Variants in CA8 observed in about 807,000 individuals in gnomAD.
The protein encoded by CA8 is carbonic anhydrase 8 (inactive), also known as carbonic anhydrase-related protein.
Under a neutral mutation model 41.4 loss-of-function variants are expected in CA8, and 22 were observed. The ratio of observed to expected loss-of-function variants is 0.53; its 90% confidence interval spans 0.38 to 0.76. The LOEUF is 0.76. Among genes scored for constraint, CA8 ranks in the 30% least tolerant of loss-of-function variants. The pLI, the probability that CA8 is intolerant of heterozygous loss-of-function variation, is 0.00. For synonymous variants in CA8, 121 were observed against 130.6 expected, an observed-to-expected ratio of 0.93 and a Z score of 0.50; for missense variants, 270 against 352.8, an observed-to-expected ratio of 0.77 and a Z score of 1.88.
Position 60,190,938 on chromosome 8 carries a change from C to CTATATATATATATATATA in CA8, c.*36-971_*36-954dup, listed in dbSNP as rs35486936. ...GTGGACACACCTGCACACACACACACTATATATATATATATATATACACAC... is the reference window on the plus strand; with the variant it reads ...GTGGACACACCTGCACACACACACACTATATATATATATATATATATATATATATATATATATACACAC... On this transcript the variant is annotated intron_variant, in intron 8 of 8. Coordinates refer to ENST00000317995, the MANE Select transcript of CA8 (RefSeq NM_004056.6). 1.0e-4 allele frequency among the ~76,000 whole-genome samples: 12 copies of CTATATATATATATATATA among 117,362 alleles called. 1 individual carries two copies. The highest frequency in any genetic ancestry group is 2.0e-4 in the African/African-American group (6 of 29,278). 77.0% of individuals were successfully genotyped at this position (117,362 alleles called of 152,430 possible).
At chr8:60,214,521 T>C (rs1445072670) in intron 7 of CA8, among the ~76,000 whole-genome samples, 2 of 152,210 alleles carry the variant, frequency 1.3e-5, no homozygotes, top group African/African-American at 4.8e-5. Context: ...TTTGAAGTGA[T>C]TGTCAAACAT....
intron 3 of CA8, among the ~76,000 whole-genome samples, chr8:60,238,817 C>T (rs1807921732): frequency 6.6e-6 from 1 of 152,152 alleles, no homozygotes; most frequent in African/African-American, 2.4e-5. Flanking sequence ...CAACAGCCTC[C>T]CCATTCTGCT....
chr8:60,237,273 C>T lies in CA8; in HGVS notation c.418-4894G>A, dbSNP rs183864190. On this transcript the variant is annotated intron_variant, in intron 3 of 8. Coordinates refer to ENST00000317995, the MANE Select transcript of CA8 (RefSeq NM_004056.6). ...GTATCTTAAAAGCTTGGATTATTCACGCTTTTCTCTGTCTTCCCATAGTAC... is the reference window on the plus strand; with the variant it reads ...GTATCTTAAAAGCTTGGATTATTCATGCTTTTCTCTGTCTTCCCATAGTAC... Among the ~76,000 whole-genome samples, 9 of 152,326 alleles carry T rather than the reference C, an allele frequency of 5.9e-5. No individual in the cohort carries two copies. The East Asian group carries it at 9.6e-4, about 16-fold the overall frequency.
chr8:60,219,394 G>A (rs1278251487), intron 7 of CA8, among the ~76,000 whole-genome samples: 1 of 152,144 alleles, frequency 6.6e-6, no homozygotes, highest in African/African-American at 2.4e-5. Flanking sequence ...CTGACCTCGT[G>A]ATCTGCCCGC....
Position 60,227,008 on chromosome 8 carries a change from A to G in CA8, c.514-73T>C. 6.6e-6 allele frequency: 7 copies of G among 1,060,876 alleles called. No homozygotes were observed. The South Asian group carries it at 8.9e-5, about 13-fold the overall frequency. 65.7% of individuals were successfully genotyped at this position (1,060,876 alleles called of 1,614,324 possible). On this transcript the variant is annotated intron_variant, in intron 4 of 8. Coordinates refer to ENST00000317995, the MANE Select transcript of CA8 (RefSeq NM_004056.6). Reference sequence around the variant, plus strand: ...TAGCTTTAACTAAAAAAAAACTAATAGGGCTGAGTGTGGTGGCTCATGCCT... The same window carrying G: ...TAGCTTTAACTAAAAAAAAACTAATGGGGCTGAGTGTGGTGGCTCATGCCT...
At chr8:60,246,738 A>G (rs578054417) in intron 3 of CA8, among the ~76,000 whole-genome samples, 8 of 152,184 alleles carry the variant, frequency 5.3e-5, no homozygotes, top group Non-Finnish European at 1.0e-4. Context: ...TTACTATGTA[A>G]AGTTATTACA....
intron 5 of CA8, among the ~76,000 whole-genome samples, chr8:60,224,839 G>A (rs1807371593): frequency 6.6e-6 from 1 of 151,996 alleles, no homozygotes; most frequent in South Asian, 2.1e-4. Context: ...ACCTACACTT[G>A]GTGCCCCATC....
Position 60,222,671 on chromosome 8 carries a change from G to A in CA8, c.716C>T (p.Pro239Leu), listed in dbSNP as rs774821810. The change falls in exon 7 of 9, where the codon CCT (proline) becomes CTT (leucine). Residue 239 changes from proline to leucine, a missense_variant. This residue lies in a region of CA8 where 141 missense variants were observed against 191.6 expected (regional missense o/e 0.74). Coordinates refer to ENST00000317995, the MANE Select transcript of CA8 (RefSeq NM_004056.6). ...EGVTWILFRY[P>L]LTISQLQIEE... ...CACCTGTAGCTGGGATATAGTTAAA[G>A]GGTATCGGAATAATATCCAGGTGAC... The A allele has an allele frequency of 1.2e-6, 2 of 1,606,832 alleles. No individual in the cohort carries two copies. The highest frequency in any genetic ancestry group is 2.7e-5 in the African/African-American group (2 of 74,806).
intron 8 of CA8, among the ~76,000 whole-genome samples, chr8:60,201,848 G>A (rs575833226): frequency 6.0e-4 from 92 of 152,152 alleles, no homozygotes; most frequent in Middle Eastern, 3.4e-3. Context: ...TTTAAATTTC[G>A]TGTTGTACTT....
chr8:60,279,590 T>C (rs1804343151), intron 2 of CA8, 99 bp downstream of exon 2: 2 of 1,016,930 alleles, frequency 2.0e-6, no homozygotes, highest in Admixed American at 1.8e-5. Context: ...TAGAGATACG[T>C]CAGTTGTACT....
At chr8:60,261,548 T>C (rs192098681) in intron 3 of CA8, among the ~76,000 whole-genome samples, 10 of 152,308 alleles carry the variant, frequency 6.6e-5, no homozygotes, top group Admixed American at 2.0e-4. Flanking sequence ...TCTGTAGTGA[T>C]GCAAGAAAAA....
chr8:60,278,306 T>C (rs147199469), intron 2 of CA8, among the ~76,000 whole-genome samples: 32 of 152,352 alleles, frequency 2.1e-4, no homozygotes, highest in African/African-American at 7.2e-4. Context: ...TTTAAAGAAC[T>C]GGCTTTTCAC....
At chr8:60,259,965 G>A (rs576297982) in intron 3 of CA8, among the ~76,000 whole-genome samples, 1 of 152,280 alleles carries the variant, frequency 6.6e-6, no homozygotes, top group African/African-American at 2.4e-5. Context: ...TTCCAGAAGA[G>A]CTGAACATTC....
intron 7 of CA8, among the ~76,000 whole-genome samples, chr8:60,220,759 G>C (rs1485457771): frequency 1.3e-5 from 2 of 152,104 alleles, no homozygotes; most frequent in Non-Finnish European, 2.9e-5. Context: ...AATGAAGCTA[G>C]AATGCACTTC....
rs1296785765 is a variant in CA8, at chr8:60,232,536, G to A, written c.418-157C>T. The A allele has an allele frequency of 5.6e-5, 39 of 696,200 alleles. No homozygotes were observed. In the East Asian group the frequency reaches 7.9e-4, roughly 14 times the overall value. 43.1% of individuals were successfully genotyped at this position (696,200 alleles called of 1,614,324 possible). On this transcript the variant is annotated intron_variant, in intron 3 of 8. Coordinates refer to ENST00000317995, the MANE Select transcript of CA8 (RefSeq NM_004056.6). ...ACTACTGGCTTAATACGAGTTCTCTGTATGAATTCCTTCCTTCTTATTTCT... is the reference window on the plus strand; with the variant it reads ...ACTACTGGCTTAATACGAGTTCTCTATATGAATTCCTTCCTTCTTATTTCT...
chr8:60,208,751 C>T lies in CA8; in HGVS notation c.*34G>A, dbSNP rs1355326572. On this transcript the variant is annotated splice_region_variant and 3_prime_UTR_variant, in exon 8 of 9. Transcript: ENST00000317995. ...TTTCCTTACTTAATCTGGACATACC[C>T]TCATGAAGACAGACTTGTTCCTGTC... 3.7e-6 allele frequency: 6 copies of T among 1,613,682 alleles called. No individual in the cohort carries two copies. Among genetic ancestry groups the T allele is most frequent in the Admixed American group, 1.7e-5 (1 of 60,006 alleles).
intron 8 of CA8, among the ~76,000 whole-genome samples, chr8:60,195,991 C>T (rs1806269906): frequency 6.6e-6 from 1 of 151,800 alleles, no homozygotes; most frequent in Non-Finnish European, 1.5e-5. Context: ...TAAAAGGGTG[C>T]CAGATATTAC....
In CA8 at chr8:60,257,876, C is replaced by T. The variant is rs147750885; in HGVS notation, c.417+8049G>A. ...TCTTCCTCTAATTAGCTTCTGATGACCTGAATCTGCATACTGCACAGGCAG... is the reference window on the plus strand; with the variant it reads ...TCTTCCTCTAATTAGCTTCTGATGATCTGAATCTGCATACTGCACAGGCAG... On this transcript the variant is annotated intron_variant, in intron 3 of 8. Coordinates refer to ENST00000317995, the MANE Select transcript of CA8 (RefSeq NM_004056.6). Among the ~76,000 whole-genome samples, 269 of 152,320 alleles carry T rather than the reference C, an allele frequency of 1.8e-3. 1 individual carries two copies. The highest frequency in any genetic ancestry group is 3.4e-3 in the Middle Eastern group (1 of 294).
At chr8:60,274,059 T>C (rs980143079) in intron 2 of CA8, among the ~76,000 whole-genome samples, 13 of 152,212 alleles carry the variant, frequency 8.5e-5, no homozygotes, top group Admixed American at 8.5e-4. Context: ...ACAAAATAAC[T>C]GAGGCCAAAG....
Sources: gnomAD v4.1 joint callset for allele counts (sites outside exome capture counted in the v4.1 genomes callset) on GRCh38, gnomAD v4.1.1 for gene constraint, gnomAD v4.1.1 regional missense constraint, MANE v1.5 for transcripts, NCBI Gene and HGNC (gene_info 2026-07-23, HGNC 2026-07-21) for gene names.